Variants in OSBPL7 observed in about 807,000 individuals in gnomAD.
OSBPL7 encodes oxysterol binding protein like 7, also known as oxysterol-binding protein-related protein 7.
Under a neutral mutation model 115.8 loss-of-function variants are expected in OSBPL7, and 66 were observed. The ratio of observed to expected loss-of-function variants is 0.57; its 90% CI spans 0.47 to 0.70. OSBPL7 has a LOEUF of 0.70. Ranked by LOEUF, OSBPL7 falls within the 30% of genes least tolerant of loss-of-function variation. The pLI, the probability that OSBPL7 is intolerant of heterozygous loss-of-function variation, is 0.00. For synonymous variants in OSBPL7, 441 were observed against 439.2 expected (o/e 1.00, Z -0.05); for missense variants, 902 against 1,125.5 (o/e 0.80, Z 2.84).
intron 7 of OSBPL7, among the ~76,000 whole-genome samples, 177 bp from the exon 8 acceptor site, chr17:47,817,536 C>G (rs554488727): frequency 3.3e-4 from 50 of 152,158 alleles, no homozygotes; most frequent in African/African-American, 1.1e-3. Context: ...ATTACAGGTG[C>G]GCACCACCAT....
Position 47,815,195 on chromosome 17 carries a change from C to T in OSBPL7, c.1257+20G>A. 1 of 1,603,792 alleles carries T rather than the reference C, an allele frequency of 6.2e-7. No homozygotes were observed. The highest frequency in any genetic ancestry group is 8.5e-7 in the Non-Finnish European group (1 of 1,172,498). On this transcript the variant is annotated intron_variant, in intron 13 of 22. Transcript: ENST00000007414. ...GGTCCCCCCTACCCCGCCTCACTGC[C>T]AGCTTCTCTCCTCCCTCACCTCATT...
chr17:47,811,165 G>C (rs1356600961), intron 16 of OSBPL7, among the ~76,000 whole-genome samples: 1 of 151,948 alleles, frequency 6.6e-6, no homozygotes, highest in African/African-American at 2.4e-5. Context: ...CTGAAACCCA[G>C]CCCTTGCTGA....
chr17:47,814,486 T>TA, intron 14 of OSBPL7, 35 bp downstream of exon 14: 1 of 426,316 alleles, frequency 2.3e-6, no homozygotes, highest in Non-Finnish European at 4.5e-6. Flanking sequence ...TCCACCCGCC[T>TA]CCCACCCCTC....
Position 47,815,258 on chromosome 17 carries a change from T to A in OSBPL7, c.1214A>T (p.Asp405Val), listed in dbSNP as rs1170787010. The stretch of plus-strand genomic sequence containing the variant: ...GGCGGAGAGGAGAACCTCGCAGGCA[T>A]CGAAGAACTCCGTGTGGGAATCAGC... ...SLADSHTEFF[D>V]ACEVLLSASS... The change falls in exon 13 of 23, where the codon GAT (aspartate) becomes GTT (valine). Residue 405 changes from aspartate to valine, a missense_variant. Physicochemically the swap from Asp to Val is radical, Grantham distance 152. This residue lies in a region of OSBPL7 where 667 missense variants were observed against 788.7 expected (regional missense o/e 0.85). Coordinates refer to ENST00000007414, the MANE Select transcript of OSBPL7 (RefSeq NM_145798.3). The A allele has an allele frequency of 6.2e-7, 1 of 1,613,668 alleles. No homozygotes were observed. The highest frequency in any genetic ancestry group is 1.1e-5 in the South Asian group (1 of 91,058).
intron 4 of OSBPL7, 95 bp from the exon 5 acceptor site, chr17:47,819,194 G>A (rs1437149480): frequency 2.0e-6 from 2 of 1,005,288 alleles, no homozygotes; most frequent in South Asian, 1.4e-5. Flanking sequence ...TAGGCTCAAG[G>A]GCCAGGTGGC....
At position 47,817,369 on chromosome 17, in the gene OSBPL7, A is replaced by G. The variant is rs9914156; in HGVS notation, c.599-10T>C. ...TGACACTCAGAGAGCTCTGCGGGGA[A>G]AAAGAACAAGAACAAGAACACCATT... On this transcript the variant is annotated splice_polypyrimidine_tract_variant and intron_variant, in intron 7 of 22. Transcript: ENST00000007414. 0.93 allele frequency: 1,473,653 copies of G among 1,585,798 alleles called. 686,446 individuals are homozygous for G. Among genetic ancestry groups the G allele is most frequent in the Non-Finnish European group, 0.95 (1,104,512 of 1,165,744 alleles).
Position 47,813,350 on chromosome 17 carries a change from G to A in OSBPL7, c.1653C>T (p.Ala551=), listed in dbSNP as rs781001344. Residue 551 remains alanine (A), a synonymous_variant, in exon 16 of 23, where the codon GCC becomes GCT. Transcript: ENST00000007414. ...GGACAGGGTTGAAGGGCTTGCAGCC[G>A]GCTCGGTGGTATGTGGAGGAGTAGG... The part of the protein sequence containing the change: ...VSAYSSTYHR[A]GCKPFNPVLG... 7.4e-6 allele frequency: 12 copies of A among 1,613,980 alleles called. No individual in the cohort carries two copies. Among genetic ancestry groups the A allele is most frequent in the South Asian group, 2.2e-5 (2 of 91,084 alleles).
rs762546068 is a variant in OSBPL7 at position 47,815,257 on chromosome 17, A to T, written c.1215T>A (p.Asp405Glu). 1 of 1,613,760 alleles carries T rather than the reference A, an allele frequency of 6.2e-7. No individual in the cohort carries two copies. The highest frequency in any genetic ancestry group is 1.1e-5 in the South Asian group (1 of 91,066). The part of the protein sequence containing the change: ...SLADSHTEFF[D>E]ACEVLLSASS... ...TGGCGGAGAGGAGAACCTCGCAGGC[A>T]TCGAAGAACTCCGTGTGGGAATCAG... The change falls in exon 13 of 23, where the codon GAT (aspartate) becomes GAA (glutamate). Residue 405 changes from aspartate (D) to glutamate (E), a missense_variant. By Grantham distance (45) the Asp-to-Glu change is conservative. Coordinates refer to ENST00000007414, the MANE Select transcript of OSBPL7 (RefSeq NM_145798.3).
chr17:47,816,073 G>T lies in OSBPL7; in HGVS notation c.1119+34C>A. On this transcript the variant is annotated intron_variant, in intron 12 of 22. Coordinates refer to ENST00000007414, the MANE Select transcript of OSBPL7 (RefSeq NM_145798.3). This position sits in a 1 kb window ranked among gnomAD's most constrained non-coding sequence, Gnocchi z 5.8. Reference sequence around the variant, plus strand: ...TTTCGCTGGGAGAGAAGGCACAGGAGAATCGGCCCCCACAGCCCACCCTGG... The same window carrying T: ...TTTCGCTGGGAGAGAAGGCACAGGATAATCGGCCCCCACAGCCCACCCTGG... The T allele has an allele frequency of 6.6e-7, 1 of 1,520,434 alleles. No individual in the cohort carries two copies. The highest frequency in any genetic ancestry group is 8.9e-7 in the Non-Finnish European group (1 of 1,126,632). The allele number at this position is 1,520,434 out of a possible 1,614,324, so 94.2% of individuals were successfully genotyped here.
rs536701820 is a variant in OSBPL7, at chr17:47,809,193, C to T, written c.2053G>A (p.Glu685Lys). The T allele has an allele frequency of 6.8e-6, 11 of 1,614,164 alleles. No homozygotes were observed. The highest frequency in any genetic ancestry group is 2.2e-5 in the East Asian group (1 of 44,890). ...KAKYWSSNVH[E>K]VQGAVLSRSG... ...CGACTGAGCACAGCGCCCTGCACCT[C>T]GTGGACATTGGAACTCCAGTACTTG... is the stretch of plus-strand genomic sequence containing the variant. The change falls in exon 20 of 23, where the codon GAG (glutamate) becomes AAG (lysine). Residue 685 changes from glutamate (E) to lysine (K), a missense_variant. By Grantham distance (56) the Glu-to-Lys change is moderately conservative. Around this residue, in one of 3 missense-constraint regions of OSBPL7, gnomAD observed 230 missense variants for 312.7 expected, o/e 0.74. Coordinates refer to ENST00000007414, the MANE Select transcript of OSBPL7 (RefSeq NM_145798.3).
chr17:47,815,550 G>A, intron 12 of OSBPL7, 198 bp from the exon 13 acceptor site: 4 of 634,132 alleles, frequency 6.3e-6, no homozygotes, highest in South Asian at 2.0e-5. Flanking sequence ...TGGCCTGGGA[G>A]TGAGGGGACG....
intron 7 of OSBPL7, 93 bp from the exon 8 acceptor site, chr17:47,817,452 T>A: frequency 1.2e-6 from 1 of 833,164 alleles, no homozygotes. Context: ...TGGAATGGCG[T>A]GATCTCGGCT....
At position 47,821,691 on chromosome 17, in the gene OSBPL7, C is replaced by T. The variant is rs17700839; in HGVS notation, c.-113G>A. On this transcript the variant is annotated 5_prime_UTR_variant, in exon 1 of 23. Coordinates refer to ENST00000007414, the MANE Select transcript of OSBPL7 (RefSeq NM_145798.3). ...CCCAGGGTCCATGGACGCCAGTACT[C>T]CTTGGCCCTTGCGCCGCTCTGCCTC... 41,334 of 152,310 alleles carry T rather than the reference C, an allele frequency of 0.27. 6,966 individuals are homozygous for T. Among genetic ancestry groups the T allele is most frequent in the Non-Finnish European group, 0.38 (25,801 of 68,048 alleles). The allele number at this position is 152,310 out of a possible 1,614,324, so 9.4% of individuals were successfully genotyped here. A position where few individuals can be genotyped will look rare whatever the true frequency, so the allele number is the denominator to read the frequency against.
chr17:47,818,532 A>T lies in OSBPL7; in HGVS notation c.454T>A (p.Ser152Thr), dbSNP rs1308560817. Residue 152 changes from serine (S) to threonine (T), a missense_variant, in exon 6 of 23, where the codon TCA becomes ACA. Ser to Thr is a moderately conservative substitution (Grantham distance 58). This residue lies in a region of OSBPL7 where 667 missense variants were observed against 788.7 expected (regional missense o/e 0.85). Coordinates refer to ENST00000007414, the MANE Select transcript of OSBPL7 (RefSeq NM_145798.3). ...LAHRLDMPRG[S>T]LPSTAHRKVP... The stretch of plus-strand genomic sequence containing the variant: ...TTCCGGTGAGCAGTACTGGGCAGTG[A>T]GCCACGGGGCATGTCCAGGCGGTGG... The T allele has an allele frequency of 1.2e-6, 2 of 1,608,738 alleles. No homozygotes were observed. The highest frequency in any genetic ancestry group is 1.7e-6 in the Non-Finnish European group (2 of 1,177,520).
At chr17:47,812,571 C>A (rs60781114) in intron 16 of OSBPL7, among the ~76,000 whole-genome samples, 449 of 152,326 alleles carry the variant, frequency 2.9e-3, no homozygotes, top group African/African-American at 1.0e-2. Context: ...CCAGACTTCT[C>A]CCTCTCAACA....
At chr17:47,812,241 C>T (rs1014834947) in intron 16 of OSBPL7, among the ~76,000 whole-genome samples, 10 of 152,206 alleles carry the variant, frequency 6.6e-5, no homozygotes, top group Non-Finnish European at 1.3e-4. Context: ...CGCAGGAAGC[C>T]GATGACACCC....
At chr17:47,813,038 T>C (rs1248397840) in intron 16 of OSBPL7, among the ~76,000 whole-genome samples, 1 of 152,180 alleles carries the variant, frequency 6.6e-6, no homozygotes, top group Non-Finnish European at 1.5e-5. Flanking sequence ...CTTCAGTTCA[T>C]CCTAGCCCAA....
chr17:47,819,665 T>A, intron 4 of OSBPL7, 64 bp downstream of exon 4: 1 of 1,587,336 alleles, frequency 6.3e-7, no homozygotes, highest in South Asian at 1.1e-5. Flanking sequence ...AGATACCCCA[T>A]GCCTGCCCAG....
At chr17:47,820,178 C>T (rs2033354814) in intron 2 of OSBPL7, 26 bp downstream of exon 2, 3 of 1,613,710 alleles carry the variant, frequency 1.9e-6, no homozygotes, top group Admixed American at 3.3e-5. Flanking sequence ...CTTGGCCCAC[C>T]CACCACCGCT....
Sources: gnomAD v4.1 joint callset for allele counts (sites outside exome capture counted in the v4.1 genomes callset) on GRCh38, gnomAD v4.1.1 for gene constraint, gnomAD v4.1.1 regional missense constraint, Gnocchi (gnomAD v3.1) non-coding constraint, MANE v1.5 for transcripts, NCBI Gene and HGNC (gene_info 2026-07-23, HGNC 2026-07-21) for gene names.